The following MMP10 variants were observed in gnomAD, a reference collection of about 807,000 sequenced individuals.
MMP10 encodes matrix metallopeptidase 10.
MMP10 carries 50 observed loss-of-function variants against 49.1 expected under a neutral mutation model. That is an observed-to-expected ratio of 1.02 (90% CI 0.81 to 1.29). The LOEUF is 1.29. MMP10 is among the 50% of genes most tolerant of loss of function. The probability of loss-of-function intolerance (pLI) is 0.00; values close to 1 mark genes in which losing one functional copy is unlikely to be tolerated. For missense variants in MMP10, 613 were observed against 563.8 expected (o/e 1.09, Z -0.88); for synonymous variants, 229 against 201.6 (o/e 1.14, Z -1.15).
rs1386825822 is a variant in MMP10, at chr11:102,776,685, G to A, written c.714C>T (p.Leu238=). The A allele has an allele frequency of 6.2e-6, 10 of 1,614,062 alleles. No individual in the cohort carries two copies. The highest frequency in any genetic ancestry group is 6.8e-6 in the Non-Finnish European group (8 of 1,179,954). Residue 238 remains leucine (L), a synonymous_variant, in exon 5 of 10, where the codon CTC becomes CTT. Transcript: ENST00000279441. ...GGGCGAGCTCTGTGAATGAGTTGTA[G>A]AGTGGGTACATCAAAGCTTCAGTGT... ...SANTEALMYP[L]YNSFTELAQF... is the part of the protein sequence containing the mutation.
At chr11:102,774,776 T>C (rs1393701883) in intron 7 of MMP10, among the ~76,000 whole-genome samples, 1 of 152,200 alleles carries the variant, frequency 6.6e-6, no homozygotes, top group African/African-American at 2.4e-5. Flanking sequence ...TACTACATCT[T>C]ACCGATTAAA....
rs1565453721 is a variant in MMP10 at position 102,770,837 on chromosome 11, TC to T, written c.1386del (p.Met463TrpfsTer2). 1 of 1,613,250 alleles carries T rather than the reference TC, an allele frequency of 6.2e-7. No individual in the cohort carries two copies. The highest frequency in any genetic ancestry group is 1.3e-5 in the African/African-American group (1 of 75,020). On this transcript the variant is annotated frameshift_variant, in exon 10 of 10. Transcript: ENST00000279441. LOFTEE classifies it high-confidence loss of function. ...TTACTCTTTAATATGTGTGTCACCA[TC>T]CTGGCATTGGGGTCAAACTCAAACT... ...SSQFEFDPNA[R>X]MVTHILKSNS...
chr11:102,771,711 A>G (rs1020042738), intron 9 of MMP10, among the ~76,000 whole-genome samples: 8 of 152,138 alleles, frequency 5.3e-5, no homozygotes, highest in African/African-American at 1.9e-4. Context: ...TTGTATTTTT[A>G]TACCAACATA....
rs1857734660 is a variant in MMP10 at position 102,776,411 on chromosome 11, G to A, written c.801C>T (p.Ala267=). ...TGGGCACCAGGGGTTCCTCAGTAGA[G>A]GCAGGGGGAGGTCCTAAAGGAAACA... ...GIQSLYGPPP[A]STEEPLVPTK... Residue 267 remains alanine, a synonymous_variant, in exon 6 of 10, where the codon GCC becomes GCT. Transcript: ENST00000279441. 1 of 1,613,366 alleles carries A rather than the reference G, an allele frequency of 6.2e-7. No homozygotes were observed. The highest frequency in any genetic ancestry group is 1.3e-5 in the African/African-American group (1 of 74,834).
At chr11:102,776,073 A>C (rs904728615) in intron 6 of MMP10, among the ~76,000 whole-genome samples, 2 of 152,068 alleles carry the variant, frequency 1.3e-5, no homozygotes. Context: ...AAGCAGAAAA[A>C]GTAACTACTG....
In MMP10 at chr11:102,779,123, G is replaced by C. The variant is rs151174209; in HGVS notation, c.496+90C>G. 1,535 of 1,526,450 alleles carry C rather than the reference G, an allele frequency of 1.0e-3. 16 individuals are homozygous for C. The African/African-American group carries it at 0.019, about 19-fold the overall frequency. 94.6% of individuals were successfully genotyped at this position (1,526,450 alleles called of 1,614,324 possible). A position where few individuals can be genotyped will look rare whatever the true frequency, so the allele number is the denominator to read the frequency against. ...CCAGAATTGTGAGCAATAAATTTCT[G>C]TTGTTTATAAATTACCCAGTCTAAG... On this transcript the variant is annotated intron_variant, in intron 3 of 9. Transcript: ENST00000279441.
chr11:102,775,114 G>T, intron 7 of MMP10, 74 bp downstream of exon 7: 1 of 1,182,742 alleles, frequency 8.5e-7, no homozygotes, highest in East Asian at 2.7e-5. Context: ...TAATATAATG[G>T]ATAAAACTCA....
At chr11:102,779,778 G>A (rs752843244) in intron 1 of MMP10, 33 bp from the exon 2 acceptor site, 8 of 1,584,976 alleles carry the variant, frequency 5.0e-6, no homozygotes, top group Admixed American at 3.5e-5. Flanking sequence ...GGGCATTTTT[G>A]TGATTTTCCA....
chr11:102,778,684 G>T lies in MMP10; in HGVS notation c.562C>A (p.Pro188Thr). 1.9e-6 allele frequency: 3 copies of T among 1,613,814 alleles called. No homozygotes were observed. In the East Asian group the frequency reaches 6.7e-5, roughly 36 times the overall value. ...AAGTGAATATCTCCATAAAGCCCAG[G>T]TCCAGGTGGGTAGGCATGAGCCAAA... ...HSLAHAYPPGPGLYGDIHFDD... is the reference protein window; with the variant it reads ...HSLAHAYPPGTGLYGDIHFDD... The change falls in exon 4 of 10, where the codon CCT becomes ACT. Residue 188 changes from proline to threonine, a missense_variant. Transcript: ENST00000279441.
At chr11:102,779,996 C>T (rs1191269598) in intron 1 of MMP10, among the ~76,000 whole-genome samples, 1 of 152,088 alleles carries the variant, frequency 6.6e-6, no homozygotes, top group Non-Finnish European at 1.5e-5. Flanking sequence ...TTTAAAGAAA[C>T]CCTCTTTTAA....
rs1565453667 is a variant in MMP10 at position 102,770,765 on chromosome 11, A to G, written c.*28T>C. The G allele has an allele frequency of 5.8e-6, 8 of 1,384,694 alleles. No individual in the cohort carries two copies. The highest frequency in any genetic ancestry group is 7.0e-6 in the Non-Finnish European group (7 of 993,050). 85.8% of individuals were successfully genotyped at this position (1,384,694 alleles called of 1,614,324 possible). The stretch of plus-strand genomic sequence containing the variant: ...AATAATTATTAGATTTATTAAAAAC[A>G]CCCATATCTGTCTTCCCCCTATCTC... On this transcript the variant is annotated 3_prime_UTR_variant, in exon 10 of 10. Coordinates refer to ENST00000279441, the MANE Select transcript of MMP10 (RefSeq NM_002425.3).
intron 7 of MMP10, among the ~76,000 whole-genome samples, chr11:102,773,897 A>G (rs368486734): frequency 2.0e-5 from 3 of 152,316 alleles, no homozygotes; most frequent in Non-Finnish European, 2.9e-5. Flanking sequence ...AGCCCTTTTC[A>G]GTCCTGACCT....
In MMP10 at chr11:102,776,605, C is replaced by G; in HGVS notation, c.787+7G>C. The G allele has an allele frequency of 6.2e-7, 1 of 1,603,686 alleles. No homozygotes were observed. On this transcript the variant is annotated splice_region_variant and intron_variant, in intron 5 of 9. Coordinates refer to ENST00000279441, the MANE Select transcript of MMP10 (RefSeq NM_002425.3). ...CTGCAATGCCTAATTTTTCCAGCAT[C>G]ACTCACCGTAGAGAGACTGAATGCC...
chr11:102,775,883 C>T (rs1027509394), intron 6 of MMP10, among the ~76,000 whole-genome samples: 6 of 151,968 alleles, frequency 3.9e-5, no homozygotes, highest in East Asian at 3.9e-4. Context: ...AAAAAATGAA[C>T]GAAACAGATA....
chr11:102,779,187 G>C lies in MMP10; in HGVS notation c.496+26C>G, dbSNP rs763699565. On this transcript the variant is annotated intron_variant, in intron 3 of 9. Coordinates refer to ENST00000279441, the MANE Select transcript of MMP10 (RefSeq NM_002425.3). ...GCAGTCTGAACAGATGAATACACCAGATAAATGGATGCTTTATTTGATTAC... is the reference window on the plus strand; with the variant it reads ...GCAGTCTGAACAGATGAATACACCACATAAATGGATGCTTTATTTGATTAC... The C allele has an allele frequency of 7.4e-6, 12 of 1,611,134 alleles. No homozygotes were observed. In the Admixed American group the frequency reaches 2.0e-4, roughly 27 times the overall value.
rs1861986073 is a variant in MMP10, at chr11:102,772,623, GCCTCTCCTGATGTCT to G, written c.1226+209_1226+223del. On this transcript the variant is annotated intron_variant, in intron 8 of 9. Transcript: ENST00000279441. The surrounding 1 kb of genome is among the most constrained non-coding windows in gnomAD (Gnocchi z 4.4). Reference sequence around the variant, plus strand: ...GGTGAATGCCTTTGGACCTCAGCTGGCCTCTCCTGATGTCTTTTAGTGTCTGAGTATATGGCCCAG... The same window carrying G: ...GGTGAATGCCTTTGGACCTCAGCTGGTTTAGTGTCTGAGTATATGGCCCAG... Among the ~76,000 whole-genome samples the G allele has an allele frequency of 6.6e-6, 1 of 152,166 alleles. No individual in the cohort carries two copies. Among genetic ancestry groups the G allele is most frequent in the East Asian group, 1.9e-4 (1 of 5,194 alleles).
At position 102,772,534 on chromosome 11, in the gene MMP10, C is replaced by T. The variant is rs1185962545; in HGVS notation, c.1226+313G>A. Among the ~76,000 whole-genome samples, 1 of 152,194 alleles carries T rather than the reference C, an allele frequency of 6.6e-6. No individual in the cohort carries two copies. Among genetic ancestry groups the T allele is most frequent in the Non-Finnish European group, 1.5e-5 (1 of 68,038 alleles). Reference sequence around the variant, plus strand: ...CACACTGGGACCCTGTAGATCCTGTCTCCAAAGCCTGCCACACCTGGGCTT... The same window carrying T: ...CACACTGGGACCCTGTAGATCCTGTTTCCAAAGCCTGCCACACCTGGGCTT... On this transcript the variant is annotated intron_variant, in intron 8 of 9. Coordinates refer to ENST00000279441, the MANE Select transcript of MMP10 (RefSeq NM_002425.3). The surrounding 1 kb of genome is among the most constrained non-coding windows in gnomAD (Gnocchi z 4.4).
At chr11:102,779,466 G>A in intron 2 of MMP10, 38 bp downstream of exon 2, 1 of 1,611,526 alleles carries the variant, frequency 6.2e-7, no homozygotes, top group Non-Finnish European at 8.5e-7. Flanking sequence ...TAACTTATAA[G>A]GTTTCAATAT....
At chr11:102,771,961 A>T (rs1591702330) in intron 9 of MMP10, 51 bp downstream of exon 9, 1 of 1,141,140 alleles carries the variant, frequency 8.8e-7, no homozygotes, top group Admixed American at 2.0e-5. Flanking sequence ...TTTTGAAATC[A>T]TAAAAATGCC....
Sources: allele counts gnomAD v4.1 joint callset (sites outside exome capture counted in the v4.1 genomes callset), GRCh38; gene constraint gnomAD v4.1.1; non-coding constraint Gnocchi (gnomAD v3.1); transcripts MANE v1.5; gene names NCBI Gene and HGNC (gene_info 2026-07-23, HGNC 2026-07-21).